MEF2C: variants seen among roughly 807,000 people sequenced by gnomAD.
The protein encoded by MEF2C is myocyte-specific enhancer factor 2C.
MEF2C carries 6 observed loss-of-function variants against 50.5 expected under a neutral mutation model. The ratio of observed to expected loss-of-function variants is 0.12; its 90% confidence interval spans 0.07 to 0.23. The LOEUF is 0.23. MEF2C is among the 10% of genes least tolerant of loss of function. The pLI, the probability that MEF2C is intolerant of heterozygous loss-of-function variation, is 1.00. For synonymous variants in MEF2C, 183 were observed against 228.0 expected (o/e 0.80, Z 1.78); for missense variants, 276 against 605.0 (o/e 0.46, Z 5.70).
chr5:88,852,731 T>C (rs987292700), intron 1 of MEF2C, among the ~76,000 whole-genome samples: 3 of 151,578 alleles, frequency 2.0e-5, no homozygotes, highest in Non-Finnish European at 4.4e-5. Flanking sequence ...TAGGAGAAAC[T>C]AAAAACACAA....
chr5:88,854,098 G>A (rs1242425860), intron 1 of MEF2C, among the ~76,000 whole-genome samples: 1 of 152,202 alleles, frequency 6.6e-6, no homozygotes, highest in Non-Finnish European at 1.5e-5. Context: ...AAAGACCATT[G>A]AGAGCAGCTT....
rs34552373 is a variant in MEF2C, at chr5:88,841,506, C to CA, written c.-142-17577dup. ...TGGATGATGGAATAAAACTTTGTCT[C>CA]AAAAAAAAAAAAAAAAAGAAGAAAA... On this transcript the variant is annotated intron_variant, in intron 1 of 10. Transcript: ENST00000504921. Among the ~76,000 whole-genome samples the CA allele has an allele frequency of 5.4e-3, 529 of 98,140 alleles. 1 individual carries two copies. Among genetic ancestry groups the CA allele is most frequent in the South Asian group, 0.012 (35 of 3,030 alleles). The allele number at this position is 98,140 out of a possible 152,430, so 64.4% of individuals were successfully genotyped here.
intron 2 of MEF2C, chr5:88,819,492 C>T: frequency 1.9e-6 from 1 of 531,282 alleles, no homozygotes; most frequent in Non-Finnish European, 2.4e-6. Context: ...TTCAGCTCCT[C>T]AGTCAAGCTC....
chr5:88,902,306 TAGC>T (rs1377304892), intron 1 of MEF2C, among the ~76,000 whole-genome samples: 7 of 151,790 alleles, frequency 4.6e-5, no homozygotes, highest in Non-Finnish European at 1.0e-4. Flanking sequence ...TATATGAAAG[TAGC>T]AGCTTGAAAT....
At chr5:88,761,793 T>TAC in intron 3 of MEF2C, 1 of 161,562 alleles carries the variant, frequency 6.2e-6, no homozygotes, top group Non-Finnish European at 1.3e-5. Context: ...GCATTAGTGG[T>TAC]GTCCTGTCCC....
intron 1 of MEF2C, among the ~76,000 whole-genome samples, chr5:88,836,865 C>T (rs1239694551): frequency 6.6e-6 from 1 of 151,846 alleles, no homozygotes; most frequent in Non-Finnish European, 1.5e-5. Flanking sequence ...CAAACCTAGA[C>T]TCTAAAAGAA....
Position 88,797,448 on chromosome 5 carries a change from C to T in MEF2C, c.258+7150G>A, listed in dbSNP as rs149328834. ...GTTTTATCACAGACTAGGATTGCAA[C>T]CCTTGCCTTTTTTTTTTTTTTTTTT... On this transcript the variant is annotated intron_variant, in intron 3 of 10. Transcript: ENST00000504921. 1.8e-3 allele frequency among the ~76,000 whole-genome samples: 250 copies of T among 135,490 alleles called. 4 individuals are homozygous for T. The highest frequency in any genetic ancestry group is 6.7e-3 in the African/African-American group (235 of 34,980). The allele number at this position is 135,490 out of a possible 152,430, so 88.9% of individuals were successfully genotyped here. A position where few individuals can be genotyped will look rare whatever the true frequency, so the allele number is the denominator to read the frequency against.
At chr5:88,738,461 C>T (rs574275096) in intron 6 of MEF2C, 1 of 885,010 alleles carries the variant, frequency 1.1e-6, no homozygotes, top group African/African-American at 1.8e-5. Flanking sequence ...TAATAGTATC[C>T]CTATGAAAAA....
intron 3 of MEF2C, among the ~76,000 whole-genome samples, chr5:88,781,722 A>C (rs1232275269): frequency 6.6e-6 from 1 of 152,020 alleles, no homozygotes; most frequent in African/African-American, 2.4e-5. Flanking sequence ...CTGTAATCTC[A>C]GCACTTTGGG....
chr5:88,803,713 T>C (rs1364691075), intron 3 of MEF2C, among the ~76,000 whole-genome samples: 7 of 152,086 alleles, frequency 4.6e-5, no homozygotes, highest in Admixed American at 4.6e-4. Context: ...TTAAATAGGA[T>C]CGATGCTGAA....
chr5:88,806,650 T>C (rs934824119), intron 2 of MEF2C, among the ~76,000 whole-genome samples: 6 of 152,210 alleles, frequency 3.9e-5, no homozygotes, highest in Admixed American at 3.3e-4. Context: ...ATTGTTTTAC[T>C]TATCACCTTT....
In MEF2C at chr5:88,797,454, C is replaced by CTTTTTTTTT. The variant is rs1169605093; in HGVS notation, c.258+7143_258+7144insAAAAAAAAA. Among the ~76,000 whole-genome samples, 12 of 25,220 alleles carry CTTTTTTTTT rather than the reference C, an allele frequency of 4.8e-4. 2 individuals are homozygous for CTTTTTTTTT. Among genetic ancestry groups the CTTTTTTTTT allele is most frequent in the East Asian group, 1.9e-3 (2 of 1,080 alleles). 16.5% of individuals were successfully genotyped at this position (25,220 alleles called of 152,430 possible). ...TCACAGACTAGGATTGCAACCCTTG[C>CTTTTTTTTT]CTTTTTTTTTTTTTTTTTTTTTTTT... On this transcript the variant is annotated intron_variant, in intron 3 of 10. Transcript: ENST00000504921.
chr5:88,738,290 C>T (rs1384899822), intron 6 of MEF2C: 1 of 985,088 alleles, frequency 1.0e-6, no homozygotes, highest in Non-Finnish European at 1.2e-6. Context: ...TTAGCAATCG[C>T]TAACACAGTG....
At chr5:88,875,383 A>C (rs1830740985) in intron 1 of MEF2C, among the ~76,000 whole-genome samples, 2 of 152,006 alleles carry the variant, frequency 1.3e-5, no homozygotes, top group African/African-American at 4.8e-5. Flanking sequence ...GAACGTTGCT[A>C]TTTCCCGAGA....
chr5:88,734,636 A>G, intron 6 of MEF2C: 3 of 967,854 alleles, frequency 3.1e-6, no homozygotes, highest in South Asian at 4.8e-5. Flanking sequence ...AAATTCCAAC[A>G]AAGCCTATGT....
chr5:88,891,008 A>G (rs1834477699), intron 1 of MEF2C, among the ~76,000 whole-genome samples: 1 of 152,234 alleles, frequency 6.6e-6, no homozygotes, highest in Non-Finnish European at 1.5e-5. Context: ...ATTTTAGGCA[A>G]GAGTACCCTT....
rs1180250408 is a variant in MEF2C, at chr5:88,737,627, A to G, written c.638-5726T>C. ...GGAAAAGAATGGTGGCAGGGTGGCT[A>G]TTAAGAGTGAACAGGAATTTATCAG... On this transcript the variant is annotated intron_variant, in intron 6 of 10. Transcript: ENST00000504921. The G allele has an allele frequency of 4.1e-6, 4 of 985,264 alleles. No individual in the cohort carries two copies. In the African/African-American group the frequency reaches 7.0e-5, roughly 17 times the overall value. 61.0% of individuals were successfully genotyped at this position (985,264 alleles called of 1,614,324 possible).
intron 3 of MEF2C, among the ~76,000 whole-genome samples, chr5:88,799,102 A>G (rs1797205397): frequency 1.3e-5 from 2 of 152,188 alleles, no homozygotes; most frequent in African/African-American, 4.8e-5. Flanking sequence ...AGTGTCTCCT[A>G]GTCAGGAGGC....
chr5:88,749,700 T>C (rs1192405846), intron 5 of MEF2C, among the ~76,000 whole-genome samples: 2 of 152,162 alleles, frequency 1.3e-5, no homozygotes, highest in Non-Finnish European at 2.9e-5. Context: ...TTTATGAGAG[T>C]CAAGATGTTT....
Sources: allele counts gnomAD v4.1 joint callset (sites outside exome capture counted in the v4.1 genomes callset), GRCh38; gene constraint gnomAD v4.1.1; transcripts MANE v1.5; gene names NCBI Gene and HGNC (gene_info 2026-07-23, HGNC 2026-07-21).